KCNMA1: variants seen among roughly 807,000 people sequenced by gnomAD.
KCNMA1 encodes the protein potassium calcium-activated channel subfamily M alpha 1, also known as Calcium-activated potassium channel subunit alpha-1.
KCNMA1 carries 29 observed loss-of-function variants against 140.0 expected under a neutral mutation model. That is an observed-to-expected ratio of 0.21 (90% CI 0.15 to 0.28). The LOEUF (loss-of-function observed/expected upper bound fraction) is 0.28, where lower values mean the gene tolerates loss of function less well. Among genes scored for constraint, KCNMA1 ranks in the 10% least tolerant of loss-of-function variants. The pLI is 1.00. For synonymous variants in KCNMA1, 612 were observed against 611.9 expected, an observed-to-expected ratio of 1.00 and a Z score of 0.00; for missense variants, 880 against 1,602.2, an observed-to-expected ratio of 0.55 and a Z score of 7.70.
At chr10:77,252,727 G>A (rs1157037318) in intron 2 of KCNMA1, among the ~76,000 whole-genome samples, 1 of 152,042 alleles carries the variant, frequency 6.6e-6, no homozygotes, top group African/African-American at 2.4e-5. Flanking sequence ...AGCTCCTGGG[G>A]CAGAATGGTG....
intron 3 of KCNMA1, among the ~76,000 whole-genome samples, chr10:77,232,568 A>C (rs780653632): frequency 6.6e-6 from 1 of 152,198 alleles, no homozygotes; most frequent in Non-Finnish European, 1.5e-5. Context: ...CTTTAGAGAG[A>C]GATGTATTCA....
chr10:77,177,490 C>T (rs2098762174), intron 5 of KCNMA1, among the ~76,000 whole-genome samples: 1 of 146,548 alleles, frequency 6.8e-6, no homozygotes, highest in South Asian at 2.2e-4. Flanking sequence ...TTCTGACTTT[C>T]TTTCTTTTCT....
chr10:77,574,254 G>A (rs1267345262), intron 1 of KCNMA1, among the ~76,000 whole-genome samples: 1 of 148,968 alleles, frequency 6.7e-6, no homozygotes, highest in East Asian at 2.6e-4. Flanking sequence ...TAATATCTAT[G>A]CGTGTGTATA....
At chr10:77,068,730 G>GTGTGTGTGTGTGTA (rs2153695628) in intron 14 of KCNMA1, among the ~76,000 whole-genome samples, 1 of 147,874 alleles carries the variant, frequency 6.8e-6, no homozygotes, top group Non-Finnish European at 1.5e-5. Flanking sequence ...GTGTGTGTGT[G>GTGTGTGTGTGTGTA]TGTATAAAAT....
chr10:76,934,679 C>A (rs12764364), intron 23 of KCNMA1, among the ~76,000 whole-genome samples: 8,969 of 152,214 alleles, frequency 0.059, 518 homozygotes, highest in African/African-American at 0.14. Context: ...AACTGACATG[C>A]AGGATAAGGT....
chr10:77,465,673 T>C (rs2097982948), intron 1 of KCNMA1, among the ~76,000 whole-genome samples: 1 of 152,220 alleles, frequency 6.6e-6, no homozygotes, highest in African/African-American at 2.4e-5. Flanking sequence ...AGGCATTTAA[T>C]GAGTGTGGGC....
intron 17 of KCNMA1, chr10:77,012,373 T>A: frequency 6.6e-7 from 1 of 1,511,880 alleles, no homozygotes; most frequent in East Asian, 2.5e-5. Context: ...CGTGGGGACA[T>A]GTGGGCAATG....
At chr10:76,890,325 C>T (rs2039398166) in intron 26 of KCNMA1, among the ~76,000 whole-genome samples, 1 of 152,180 alleles carries the variant, frequency 6.6e-6, no homozygotes, top group Admixed American at 6.5e-5. Context: ...GGGCACTGGG[C>T]ACTGCGGGAT....
chr10:77,572,198 A>G (rs752879327), intron 1 of KCNMA1, among the ~76,000 whole-genome samples: 4 of 152,164 alleles, frequency 2.6e-5, no homozygotes, highest in Non-Finnish European at 5.9e-5. Context: ...ATTTTACCCT[A>G]TACACACATG....
At position 77,455,006 on chromosome 10, in the gene KCNMA1, T is replaced by A. The variant is rs950193885; in HGVS notation, c.379-50983A>T. Among the ~76,000 whole-genome samples, 9 of 152,206 alleles carry A rather than the reference T, an allele frequency of 5.9e-5. No individual in the cohort carries two copies. The East Asian group carries it at 1.7e-3, about 29-fold the overall frequency. ...TGGACCCTCCACCACAGGTACCTTG[T>A]GGCAGTTGGCTTTAACTTCCTCCCT... On this transcript the variant is annotated intron_variant, in intron 1 of 27. Transcript: ENST00000286628.
intron 3 of KCNMA1, among the ~76,000 whole-genome samples, chr10:77,196,315 T>C (rs966724854): frequency 6.6e-5 from 10 of 152,158 alleles, no homozygotes; most frequent in Non-Finnish European, 1.5e-4. Context: ...GAAAGAGGAA[T>C]GGGTCTCTGT....
intron 1 of KCNMA1, among the ~76,000 whole-genome samples, chr10:77,561,242 G>A (rs2066299286): frequency 6.6e-6 from 1 of 152,084 alleles, no homozygotes; most frequent in Non-Finnish European, 1.5e-5. Flanking sequence ...TGGTATAGTA[G>A]TTATCTCACT....
chr10:76,955,424 T>C (rs1333831137), intron 20 of KCNMA1, among the ~76,000 whole-genome samples: 1 of 152,172 alleles, frequency 6.6e-6, no homozygotes, highest in African/African-American at 2.4e-5. Context: ...GAAAACTTTC[T>C]CACTGCCTTT....
chr10:77,580,103 C>T (rs965361184), intron 1 of KCNMA1, among the ~76,000 whole-genome samples: 5 of 152,098 alleles, frequency 3.3e-5, no homozygotes, highest in African/African-American at 9.7e-5. Flanking sequence ...AATGTCTGGC[C>T]GAGCACCGTG....
At chr10:77,034,597 G>A (rs1012396806) in intron 15 of KCNMA1, among the ~76,000 whole-genome samples, 2 of 152,200 alleles carry the variant, frequency 1.3e-5, no homozygotes, top group Non-Finnish European at 2.9e-5. Context: ...AGGTAGAGGA[G>A]GGAAAAGAGA....
intron 1 of KCNMA1, among the ~76,000 whole-genome samples, chr10:77,429,196 G>C (rs752698817): frequency 1.3e-5 from 2 of 152,236 alleles, no homozygotes; most frequent in African/African-American, 4.8e-5. Flanking sequence ...TGCCAAGTTC[G>C]GAAGGGTCAC....
intron 23 of KCNMA1, among the ~76,000 whole-genome samples, chr10:76,918,075 T>C (rs2053721211): frequency 1.3e-5 from 2 of 152,230 alleles, no homozygotes; most frequent in Admixed American, 6.5e-5. Flanking sequence ...CTTCCCATTA[T>C]TGCTTGCAGC....
At chr10:77,199,807 C>T (rs1018474308) in intron 3 of KCNMA1, among the ~76,000 whole-genome samples, 13 of 152,024 alleles carry the variant, frequency 8.6e-5, no homozygotes, top group Admixed American at 6.6e-4. Flanking sequence ...AAGGACACCT[C>T]GTATAGAGCC....
At chr10:77,334,850 A>G (rs1410852507) in intron 2 of KCNMA1, among the ~76,000 whole-genome samples, 2 of 152,258 alleles carry the variant, frequency 1.3e-5, no homozygotes, top group East Asian at 1.9e-4. Flanking sequence ...ATAACCCAAT[A>G]TATGTAATAT....
Sources: gnomAD v4.1 joint callset for allele counts (sites outside exome capture counted in the v4.1 genomes callset) on GRCh38, gnomAD v4.1.1 for gene constraint, MANE v1.5 for transcripts, NCBI Gene and HGNC (gene_info 2026-07-23, HGNC 2026-07-21) for gene names.